Variants in ATM observed in about 807,000 individuals in gnomAD.
ATM encodes serine-protein kinase ATM.
In ATM, 308 loss-of-function variants were observed where a neutral mutation model predicts 387.0. That is an observed-to-expected ratio of 0.80 (90% confidence interval 0.73 to 0.87). The LOEUF is 0.87. Ranked by LOEUF, ATM falls within the 40% of genes least tolerant of loss-of-function variation. ATM has a pLI of 0.00. For synonymous variants in ATM, 1,156 were observed against 1,187.3 expected (o/e 0.97, Z 0.54); for missense variants, 3,312 against 3,560.9 (o/e 0.93, Z 1.78).
chr11:108,353,996 G>A, intron 60 of ATM, 116 bp downstream of exon 60: 1 of 1,029,032 alleles, frequency 9.7e-7, no homozygotes, highest in Middle Eastern at 2.1e-4. Flanking sequence ...TGGGAGGATT[G>A]TTTGAGCCCA....
intron 61 of ATM, among the ~76,000 whole-genome samples, chr11:108,356,805 G>T (rs907856287): frequency 1.3e-5 from 2 of 152,206 alleles, no homozygotes; most frequent in African/African-American, 4.8e-5. Context: ...TCAAATGAGA[G>T]AAGTGACAGT....
chr11:108,255,595 T>C (rs955371057), intron 13 of ATM, among the ~76,000 whole-genome samples: 1 of 152,000 alleles, frequency 6.6e-6, no homozygotes, highest in Non-Finnish European at 1.5e-5. Flanking sequence ...CCTGCTAATA[T>C]TTGTATTTTT....
intron 5 of ATM, among the ~76,000 whole-genome samples, chr11:108,240,368 A>G (rs1469146200): frequency 6.6e-6 from 1 of 152,010 alleles, no homozygotes; most frequent in East Asian, 1.9e-4. Flanking sequence ...TGCTATCTCC[A>G]TGGTTTAGCC....
intron 29 of ATM, among the ~76,000 whole-genome samples, chr11:108,291,628 G>C (rs2082798383): frequency 1.3e-5 from 2 of 152,146 alleles, no homozygotes; most frequent in African/African-American, 2.4e-5. Context: ...GTCTTGCCTT[G>C]TGTGGTCACT....
In ATM at chr11:108,366,135, A is replaced by G. The variant is rs1014149927; in HGVS notation, c.*627A>G. On this transcript the variant is annotated 3_prime_UTR_variant, in exon 63 of 63. Transcript: ENST00000675843. ...TATGGAGAACAAATTTCAAAGACAC[A>G]GTTAGTGTAGTTACTATTTTTTTAA... 2 of 193,772 alleles carry G rather than the reference A, an allele frequency of 1.0e-5. No homozygotes were observed. The allele number at this position is 193,772 out of a possible 1,614,324, so 12.0% of individuals were successfully genotyped here.
chr11:108,347,027 G>A (rs965071455), intron 58 of ATM, among the ~76,000 whole-genome samples: 2 of 152,122 alleles, frequency 1.3e-5, no homozygotes, highest in African/African-American at 4.8e-5. Flanking sequence ...ATTTTAAAAT[G>A]TGTGCCTATT....
chr11:108,312,430 G>A lies in ATM; in HGVS notation c.5938G>A (p.Gly1980Arg), dbSNP rs786203765. Reference sequence around the variant, plus strand: ...AAACAGAAGTCTTGCATTTGAAGAAGGAAGCCAGAGTACAACTATTTCTAG... The same window carrying A: ...AAACAGAAGTCTTGCATTTGAAGAAAGAAGCCAGAGTACAACTATTTCTAG... ...QEKRSLAFEEGSQSTTISSLS... is the reference protein window; with the variant it reads ...QEKRSLAFEERSQSTTISSLS... Residue 1980 changes from glycine (G) to arginine (R), a missense_variant, in exon 40 of 63, where the codon GGA (glycine) becomes AGA (arginine). Around this residue, in one of 4 missense-constraint regions of ATM, gnomAD observed 1,405 missense variants for 1,604.4 expected, o/e 0.88. Transcript: ENST00000675843. 8.8e-6 allele frequency: 14 copies of A among 1,595,394 alleles called. No individual in the cohort carries two copies. Among genetic ancestry groups the A allele is most frequent in the Non-Finnish European group, 1.2e-5 (14 of 1,163,304 alleles).
intron 48 of ATM, 32 bp from the exon 49 acceptor site, chr11:108,328,989 A>C: frequency 1.3e-6 from 2 of 1,579,018 alleles, no homozygotes; most frequent in Non-Finnish European, 1.7e-6. Context: ...GTATTTGTAA[A>C]TATAATTTAA....
chr11:108,329,609 C>A (rs1471775043), intron 49 of ATM, among the ~76,000 whole-genome samples: 1 of 152,096 alleles, frequency 6.6e-6, no homozygotes, highest in East Asian at 1.9e-4. Flanking sequence ...TGGGGTTTTG[C>A]CATGTTGCCC....
intron 26 of ATM, 136 bp downstream of exon 26, chr11:108,284,609 GC>G (rs2135712339): frequency 8.3e-7 from 1 of 1,201,530 alleles, no homozygotes; most frequent in South Asian, 1.4e-5. Flanking sequence ...ATCTAGCATA[GC>G]CAACCCATGA....
Position 108,325,918 on chromosome 11 carries a change from A to G in ATM, c.6808-140A>G. ...CGTGGGGTGGGGAGATGTCATGCAG[A>G]CAGAGAGGTCCTTAAGATAGTCCCT... is the stretch of plus-strand genomic sequence containing the variant. On this transcript the variant is annotated intron_variant, in intron 46 of 62. Transcript: ENST00000675843. 2.9e-6 allele frequency: 3 copies of G among 1,028,198 alleles called. 1 individual carries two copies. The South Asian group carries it at 4.3e-5, about 15-fold the overall frequency. The allele number at this position is 1,028,198 out of a possible 1,614,324, so 63.7% of individuals were successfully genotyped here. A position where few individuals can be genotyped will look rare whatever the true frequency, so the allele number is the denominator to read the frequency against.
At chr11:108,301,005 TC>T (rs1326047561) in intron 34 of ATM, among the ~76,000 whole-genome samples, 1 of 150,770 alleles carries the variant, frequency 6.6e-6, no homozygotes, top group Non-Finnish European at 1.5e-5. Context: ...CAAGCAGTCC[TC>T]CTGCCTCAGC....
intron 4 of ATM, among the ~76,000 whole-genome samples, chr11:108,234,596 G>C (rs2079176916): frequency 6.6e-6 from 1 of 152,138 alleles, no homozygotes; most frequent in South Asian, 2.1e-4. Context: ...CAGCACTTTG[G>C]GAGGCCAAGA....
Position 108,234,661 on chromosome 11 carries a change from A to T in ATM, c.332-1009A>T, listed in dbSNP as rs1163894901. Among the ~76,000 whole-genome samples the T allele has an allele frequency of 5.9e-5, 9 of 152,050 alleles. No individual in the cohort carries two copies. The highest frequency in any genetic ancestry group is 5.9e-4 in the Admixed American group (9 of 15,244). ...AGACCAGCCTGGGGAACATTGTGAG[A>T]GATTCTGTCTCTATGAAAAATTTAA... On this transcript the variant is annotated intron_variant, in intron 4 of 62. Coordinates refer to ENST00000675843, the MANE Select transcript of ATM (RefSeq NM_000051.4).
chr11:108,365,423 G>A lies in ATM; in HGVS notation c.9086G>A (p.Gly3029Asp), dbSNP rs201199629. The change falls in exon 63 of 63, where the codon GGT becomes GAT. Residue 3029 changes from glycine (G) to aspartate (D), a missense_variant. Gly to Asp is a moderately conservative substitution (Grantham distance 94). Around this residue, in one of 4 missense-constraint regions of ATM, gnomAD observed 95 missense variants for 100.3 expected, o/e 0.95. Coordinates refer to ENST00000675843, the MANE Select transcript of ATM (RefSeq NM_000051.4). The part of the protein sequence containing the change: ...GVEEGTVLSV[G>D]GQVNLLIQQA... The stretch of plus-strand genomic sequence containing the variant: ...GAAGAAGGCACTGTGCTCAGTGTTG[G>A]TGGACAAGTGAATTTGCTCATACAG... 630 of 1,614,062 alleles carry A rather than the reference G, an allele frequency of 3.9e-4. No homozygotes were observed. The highest frequency in any genetic ancestry group is 5.2e-4 in the Non-Finnish European group (608 of 1,180,042).
intron 56 of ATM, among the ~76,000 whole-genome samples, chr11:108,339,071 A>G (rs1345851983): frequency 6.6e-6 from 1 of 152,218 alleles, no homozygotes; most frequent in Non-Finnish European, 1.5e-5. Flanking sequence ...CATGCCAGAT[A>G]TCTCTTGTCA....
chr11:108,251,331 GTT>G (rs1320812585), intron 10 of ATM, among the ~76,000 whole-genome samples: 5 of 152,156 alleles, frequency 3.3e-5, no homozygotes, highest in African/African-American at 1.2e-4. Flanking sequence ...CTATAATAGA[GTT>G]ATATATTATC....
chr11:108,300,967 G>A (rs950353015), intron 34 of ATM, among the ~76,000 whole-genome samples: 2 of 144,598 alleles, frequency 1.4e-5, no homozygotes, highest in African/African-American at 2.6e-5. Context: ...ATAGATCATA[G>A]CTGACTGTAA....
Position 108,229,495 on chromosome 11 carries a change from G to GT in ATM, c.331+181dup, listed in dbSNP as rs201519743. 7.6e-3 allele frequency: 4,871 copies of GT among 642,664 alleles called. 9 individuals are homozygous for GT. The highest frequency in any genetic ancestry group is 9.1e-3 in the East Asian group (289 of 31,910). 39.8% of individuals were successfully genotyped at this position (642,664 alleles called of 1,614,324 possible). On this transcript the variant is annotated intron_variant, in intron 4 of 62. Transcript: ENST00000675843. ...TAATGATTTTTATTTTTATTAAAAG[G>GT]TTTTTTTTTAGGGCTAGTCAAGTGA...
Sources: gnomAD v4.1 joint callset for allele counts (sites outside exome capture counted in the v4.1 genomes callset) on GRCh38, gnomAD v4.1.1 for gene constraint, gnomAD v4.1.1 regional missense constraint, MANE v1.5 for transcripts, NCBI Gene and HGNC (gene_info 2026-07-23, HGNC 2026-07-21) for gene names.